Variants in BMPER observed in about 807,000 individuals in gnomAD.
BMPER encodes BMP-binding endothelial regulator protein.
Under a neutral mutation model 87.3 loss-of-function variants are expected in BMPER, and 45 were observed. The ratio of observed to expected loss-of-function variants is 0.52; its 90% CI spans 0.41 to 0.66. The LOEUF (loss-of-function observed/expected upper bound fraction) is 0.66, where lower values mean the gene tolerates loss of function less well. BMPER is among the 30% of genes least tolerant of loss of function. The pLI, the probability that BMPER is intolerant of heterozygous loss-of-function variation, is 0.00. For missense variants in BMPER, 784 were observed against 867.5 expected (o/e 0.90, Z 1.21); for synonymous variants, 326 against 316.2 (o/e 1.03, Z -0.33).
At chr7:34,059,746 A>G (rs1053491863) in intron 10 of BMPER, among the ~76,000 whole-genome samples, 4 of 135,158 alleles carry the variant, frequency 3.0e-5, no homozygotes, top group African/African-American at 1.3e-4. Context: ...AAATTTTGGA[A>G]AAAAAAAAAA....
chr7:33,960,797 A>G (rs1562654310), intron 3 of BMPER, among the ~76,000 whole-genome samples: 1 of 152,184 alleles, frequency 6.6e-6, no homozygotes, highest in Non-Finnish European at 1.5e-5. Context: ...TCTATATTCT[A>G]TTTTTGTAGT....
intron 6 of BMPER, among the ~76,000 whole-genome samples, chr7:34,042,483 G>A (rs1363323007): frequency 6.6e-6 from 1 of 152,144 alleles, no homozygotes; most frequent in Admixed American, 6.6e-5. Context: ...CATCCTACCA[G>A]CTTTACATGC....
intron 2 of BMPER, among the ~76,000 whole-genome samples, chr7:33,924,107 C>G (rs537878348): frequency 6.6e-6 from 1 of 152,164 alleles, no homozygotes; most frequent in Non-Finnish European, 1.5e-5. Flanking sequence ...CTCCTTAAAC[C>G]TAGTTTGCTC....
intron 6 of BMPER, among the ~76,000 whole-genome samples, chr7:33,988,688 A>G (rs1299002534): frequency 6.6e-6 from 1 of 151,720 alleles, no homozygotes; most frequent in Non-Finnish European, 1.5e-5. Context: ...ATATGTATAC[A>G]TGTGCCATGC....
At chr7:33,918,206 T>TCTGCCC (rs1784133118) in intron 2 of BMPER, among the ~76,000 whole-genome samples, 1 of 152,192 alleles carries the variant, frequency 6.6e-6, no homozygotes, top group African/African-American at 2.4e-5. Flanking sequence ...GGTTCCTCTT[T>TCTGCCC]GAGGCATGTC....
At chr7:34,123,476 A>C (rs1226844989) in intron 13 of BMPER, among the ~76,000 whole-genome samples, 1 of 152,212 alleles carries the variant, frequency 6.6e-6, no homozygotes, top group Non-Finnish European at 1.5e-5. Flanking sequence ...GGCCACACTC[A>C]GGACAATTTA....
chr7:33,950,693 A>C (rs1217835186), intron 3 of BMPER, among the ~76,000 whole-genome samples: 2 of 152,106 alleles, frequency 1.3e-5, no homozygotes, highest in African/African-American at 4.8e-5. Context: ...ACACCTGCAC[A>C]ATTTCTGGTC....
chr7:34,113,351 A>T (rs1291562878), intron 13 of BMPER, among the ~76,000 whole-genome samples: 1 of 151,956 alleles, frequency 6.6e-6, no homozygotes, highest in Non-Finnish European at 1.5e-5. Context: ...GTAGCCAAAT[A>T]TATCTTTTTT....
At chr7:34,026,301 CAG>C (rs1200952456) in intron 6 of BMPER, among the ~76,000 whole-genome samples, 1 of 152,016 alleles carries the variant, frequency 6.6e-6, no homozygotes, top group Non-Finnish European at 1.5e-5. Context: ...TATTGGACAG[CAG>C]AGACATTCAA....
chr7:33,979,764 G>T (rs577000079), intron 6 of BMPER, among the ~76,000 whole-genome samples: 10 of 152,312 alleles, frequency 6.6e-5, no homozygotes, highest in Admixed American at 5.2e-4. Context: ...CAAACTCTTC[G>T]TGGTGTCCCC....
chr7:34,050,332 T>C (rs1788115501), intron 7 of BMPER, among the ~76,000 whole-genome samples: 2 of 152,280 alleles, frequency 1.3e-5, no homozygotes, highest in South Asian at 4.1e-4. Flanking sequence ...GGAGAAATCA[T>C]ACTCAGTGGT....
intron 6 of BMPER, among the ~76,000 whole-genome samples, chr7:34,011,630 CA>C (rs1786884073): frequency 1.3e-5 from 1 of 78,216 alleles, no homozygotes; most frequent in Admixed American, 1.2e-4. Context: ...AAAAAAGAAA[CA>C]AAGAAAGCAA....
intron 6 of BMPER, among the ~76,000 whole-genome samples, chr7:34,027,291 G>A (rs572406660): frequency 9.2e-5 from 14 of 152,164 alleles, no homozygotes; most frequent in South Asian, 6.2e-4. Context: ...CATTTGCTCC[G>A]ATGGTGAGTA....
chr7:34,083,696 A>T (rs1789116435), intron 12 of BMPER, among the ~76,000 whole-genome samples: 1 of 152,008 alleles, frequency 6.6e-6, no homozygotes, highest in Admixed American at 6.6e-5. Flanking sequence ...TTGGCTTAGG[A>T]GTCTTACCTC....
intron 3 of BMPER, among the ~76,000 whole-genome samples, chr7:33,948,239 C>A (rs1187727527): frequency 6.6e-6 from 1 of 152,138 alleles, no homozygotes; most frequent in East Asian, 1.9e-4. Flanking sequence ...AGTTGCCTTC[C>A]CCTAAAAGGT....
At chr7:33,943,463 T>C (rs1333992246) in intron 3 of BMPER, among the ~76,000 whole-genome samples, 2 of 152,172 alleles carry the variant, frequency 1.3e-5, no homozygotes, top group Non-Finnish European at 2.9e-5. Flanking sequence ...CACCTCCCTA[T>C]TGATAGCTGT....
intron 6 of BMPER, among the ~76,000 whole-genome samples, chr7:34,038,155 G>A (rs920287717): frequency 5.9e-5 from 9 of 152,214 alleles, no homozygotes; most frequent in African/African-American, 2.2e-4. Flanking sequence ...ATAGGATTAA[G>A]TTAAGGACCT....
intron 6 of BMPER, among the ~76,000 whole-genome samples, chr7:33,982,326 T>C (rs1187853077): frequency 6.6e-6 from 1 of 152,126 alleles, no homozygotes; most frequent in African/African-American, 2.4e-5. Context: ...GGGCAATAAA[T>C]TGGAGAATTG....
intron 13 of BMPER, among the ~76,000 whole-genome samples, chr7:34,125,742 G>A (rs1583462571): frequency 1.3e-5 from 2 of 152,294 alleles, no homozygotes; most frequent in South Asian, 4.1e-4. Context: ...AAGGCCCCAA[G>A]ACATGTGTTG....
Sources: allele counts gnomAD v4.1 joint callset (sites outside exome capture counted in the v4.1 genomes callset), GRCh38; gene constraint gnomAD v4.1.1; transcripts MANE v1.5; gene names NCBI Gene and HGNC (gene_info 2026-07-23, HGNC 2026-07-21).